Variants in XPNPEP1 observed in about 807,000 individuals in gnomAD.
XPNPEP1 encodes the protein xaa-Pro aminopeptidase 1.
Under a neutral mutation model 92.4 loss-of-function variants are expected in XPNPEP1, and 39 were observed. That is an observed-to-expected ratio of 0.42 (90% CI 0.33 to 0.55). The LOEUF is 0.55. Ranked by LOEUF, XPNPEP1 falls within the 20% of genes least tolerant of loss-of-function variation. The pLI is 0.08. For synonymous variants in XPNPEP1, 307 were observed against 299.4 expected, an observed-to-expected ratio of 1.03 and a Z score of -0.26; for missense variants, 654 against 856.1, an observed-to-expected ratio of 0.76 and a Z score of 2.95.
intron 3 of XPNPEP1, among the ~76,000 whole-genome samples, chr10:109,902,216 G>C (rs1397702530): frequency 6.6e-6 from 1 of 152,198 alleles, no homozygotes; most frequent in Non-Finnish European, 1.5e-5. Flanking sequence ...CTAATATGAC[G>C]AGACTTTTCA....
intron 1 of XPNPEP1, 184 bp from the exon 2 acceptor site, chr10:109,915,283 C>T: frequency 2.6e-6 from 1 of 385,610 alleles, no homozygotes; most frequent in Non-Finnish European, 4.6e-6. Flanking sequence ...AAAACATCCC[C>T]ATGGCAGGTT....
At chr10:109,901,484 G>A (rs77731785) in intron 3 of XPNPEP1, among the ~76,000 whole-genome samples, 4,891 of 152,036 alleles carry the variant, frequency 0.032, 183 homozygotes, top group African/African-American at 0.094. Context: ...ACCTGTTCAC[G>A]TTCCAATTTA....
At chr10:109,894,127 A>C (rs554700004) in intron 3 of XPNPEP1, 1 of 152,332 alleles carries the variant, frequency 6.6e-6, no homozygotes, top group East Asian at 1.9e-4. Flanking sequence ...AGGTTAAGAA[A>C]GTTTAGGGTG....
intron 1 of XPNPEP1, among the ~76,000 whole-genome samples, chr10:109,922,994 G>A (rs1331816933): frequency 1.3e-5 from 2 of 152,194 alleles, no homozygotes. Flanking sequence ...GTAACTTGAG[G>A]TTTAGATTCC....
At chr10:109,891,976 C>T in intron 4 of XPNPEP1, 150 bp from the exon 5 acceptor site, 1 of 670,798 alleles carries the variant, frequency 1.5e-6, no homozygotes, top group Non-Finnish European at 2.5e-6. Flanking sequence ...AACCTCTGGG[C>T]AAGAGAAGAC....
rs538646999 is a variant in XPNPEP1, at chr10:109,892,103, C to A, written c.311-277G>T. ...CCACTTGCACAGTATGAGTCAAGAA[C>A]AGAGAATGGAGAACTGTAGACCTAT... On this transcript the variant is annotated intron_variant, in intron 4 of 20. Transcript: ENST00000502935. Among the ~76,000 whole-genome samples the A allele has an allele frequency of 4.6e-5, 7 of 152,324 alleles. No homozygotes were observed. The South Asian group carries it at 1.4e-3, about 32-fold the overall frequency.
At position 109,865,329 on chromosome 10, in the gene XPNPEP1, G is replaced by A. The variant is rs1847078246; in HGVS notation, c.1873-17C>T. 2 of 1,613,846 alleles carry A rather than the reference G, an allele frequency of 1.2e-6. No homozygotes were observed. Among genetic ancestry groups the A allele is most frequent in the Non-Finnish European group, 1.7e-6 (2 of 1,180,006 alleles). ...CCAGTCGCACTGCAGGGAAGAGAAG[G>A]ACAGACACGGTATTCACCACTACAT... On this transcript the variant is annotated splice_polypyrimidine_tract_variant and intron_variant, in intron 20 of 20. Transcript: ENST00000502935.
intron 15 of XPNPEP1, among the ~76,000 whole-genome samples, chr10:109,874,082 TA>T (rs894138605): frequency 1.1e-4 from 16 of 152,172 alleles, no homozygotes; most frequent in Non-Finnish European, 2.2e-4. Flanking sequence ...TGTGAATATA[TA>T]AAAAAAATTA....
intron 2 of XPNPEP1, among the ~76,000 whole-genome samples, chr10:109,913,926 C>T (rs1460142637): frequency 6.6e-6 from 1 of 152,176 alleles, no homozygotes; most frequent in Non-Finnish European, 1.5e-5. Context: ...CCTCCTTCCT[C>T]TGCTACCTCC....
intron 19 of XPNPEP1, among the ~76,000 whole-genome samples, chr10:109,869,410 G>A (rs1396570943): frequency 2.0e-5 from 3 of 152,180 alleles, no homozygotes; most frequent in Non-Finnish European, 2.9e-5. Context: ...GGGGAAGAGG[G>A]TGAAACACCT....
chr10:109,890,682 T>C (rs1848660845), intron 5 of XPNPEP1, among the ~76,000 whole-genome samples: 2 of 152,120 alleles, frequency 1.3e-5, no homozygotes, highest in South Asian at 2.1e-4. Context: ...TTGGTGTTTT[T>C]ATATTTATGA....
intron 5 of XPNPEP1, 88 bp from the exon 6 acceptor site, chr10:109,888,683 A>C (rs1848540357): frequency 9.4e-7 from 1 of 1,066,616 alleles, no homozygotes; most frequent in South Asian, 1.9e-5. Flanking sequence ...TAACATCATG[A>C]TAGCAGGGTC....
intron 18 of XPNPEP1, among the ~76,000 whole-genome samples, chr10:109,870,490 A>T (rs1057137809): frequency 2.0e-5 from 3 of 152,240 alleles, no homozygotes; most frequent in African/African-American, 7.2e-5. Flanking sequence ...CTAATACAGT[A>T]AAACACTAAG....
intron 1 of XPNPEP1, among the ~76,000 whole-genome samples, chr10:109,919,901 G>A (rs1850437831): frequency 6.6e-6 from 1 of 152,082 alleles, no homozygotes; most frequent in South Asian, 2.1e-4. Flanking sequence ...GTGTGGTGGT[G>A]CACACCTGTA....
intron 1 of XPNPEP1, 62 bp from the exon 2 acceptor site, chr10:109,915,161 G>T: frequency 9.7e-7 from 1 of 1,034,888 alleles, no homozygotes; most frequent in Non-Finnish European, 1.4e-6. Flanking sequence ...GCAAGGCTCA[G>T]TTAGAGGAGG....
chr10:109,910,763 T>G (rs1849824191), intron 2 of XPNPEP1, among the ~76,000 whole-genome samples: 1 of 152,216 alleles, frequency 6.6e-6, no homozygotes, highest in Non-Finnish European at 1.5e-5. Flanking sequence ...GGACGTAAGA[T>G]TCCAACTCAT....
At chr10:109,918,839 G>T (rs1850342190) in intron 1 of XPNPEP1, among the ~76,000 whole-genome samples, 1 of 35,438 alleles carries the variant, frequency 2.8e-5, no homozygotes, top group Admixed American at 2.2e-4. Flanking sequence ...AAAGGAGGAA[G>T]GAAGGAAGGA....
At chr10:109,922,681 G>A (rs979207797) in intron 1 of XPNPEP1, among the ~76,000 whole-genome samples, 1 of 152,258 alleles carries the variant, frequency 6.6e-6, no homozygotes, top group African/African-American at 2.4e-5. Context: ...TGGCCTCCAT[G>A]AACTCTGAAC....
Position 109,896,433 on chromosome 10 carries a change from C to CTTT in XPNPEP1, c.247-3361_247-3359dup, listed in dbSNP as rs11419765. On this transcript the variant is annotated intron_variant, in intron 3 of 20. Transcript: ENST00000502935. The stretch of plus-strand genomic sequence containing the variant: ...AGCTGGGACTACAGCAGGCACACAC[C>CTTT]TTTTTTTTTTTTTTTTTTGTAGAAA... 7.2e-3 allele frequency among the ~76,000 whole-genome samples: 875 copies of CTTT among 121,732 alleles called. 28 individuals carry two copies. The highest frequency in any genetic ancestry group is 0.026 in the African/African-American group (819 of 31,524). 79.9% of individuals were successfully genotyped at this position (121,732 alleles called of 152,430 possible).
Sources: gnomAD v4.1 joint callset for allele counts (sites outside exome capture counted in the v4.1 genomes callset) on GRCh38, gnomAD v4.1.1 for gene constraint, MANE v1.5 for transcripts, NCBI Gene and HGNC (gene_info 2026-07-23, HGNC 2026-07-21) for gene names.